Variants in CRISPLD1 observed in about 807,000 individuals in gnomAD.
The protein encoded by CRISPLD1 is cysteine-rich secretory protein LCCL domain-containing 1.
A neutral mutation model predicts 77.5 loss-of-function variants in CRISPLD1; 60 were observed. The ratio of observed to expected loss-of-function variants is 0.77; its 90% CI spans 0.63 to 0.96. The LOEUF is 0.96. Among genes scored for constraint, CRISPLD1 ranks in the 40% least tolerant of loss-of-function variants. The pLI is 0.00. For synonymous variants in CRISPLD1, 195 were observed against 200.1 expected (o/e 0.97, Z 0.22); for missense variants, 623 against 615.8 (o/e 1.01, Z -0.12).
rs549701406 is a variant in CRISPLD1, at chr8:74,985,689, G to A, written c.-62-237G>A. Among the ~76,000 whole-genome samples the A allele has an allele frequency of 2.0e-5, 3 of 152,018 alleles. No homozygotes were observed. In the East Asian group the frequency reaches 5.8e-4, roughly 29 times the overall value. On this transcript the variant is annotated intron_variant, in intron 1 of 14. Transcript: ENST00000262207. ...TTTGCCATTTACTTTTGGCCTCAGG[G>A]GTATTATCTTGGATAATACAGTTGT...
intron 2 of CRISPLD1, among the ~76,000 whole-genome samples, chr8:75,001,838 T>C (rs1439240082): frequency 6.6e-6 from 1 of 152,224 alleles, no homozygotes; most frequent in African/African-American, 2.4e-5. Context: ...TTCCATTTTC[T>C]TATCTGCTTA....
intron 13 of CRISPLD1, among the ~76,000 whole-genome samples, chr8:75,027,630 T>G (rs568169441): frequency 3.9e-5 from 6 of 152,312 alleles, no homozygotes; most frequent in African/African-American, 1.2e-4. Context: ...TAAAGATTAC[T>G]GTCAAATAGC....
intron 12 of CRISPLD1, among the ~76,000 whole-genome samples, chr8:75,023,321 A>T (rs1261363025): frequency 6.6e-6 from 1 of 152,260 alleles, no homozygotes. Flanking sequence ...TTTAACAGCC[A>T]TAAGGATGAC....
At chr8:75,017,730 A>AT (rs1199536630) in intron 10 of CRISPLD1, among the ~76,000 whole-genome samples, 2 of 152,172 alleles carry the variant, frequency 1.3e-5, no homozygotes, top group Non-Finnish European at 1.5e-5. Context: ...AAAGCAATAC[A>AT]TTTTTTAGCT....
At chr8:75,012,816 A>G (rs1007730432) in intron 3 of CRISPLD1, 74 bp from the exon 4 acceptor site, 14 of 1,496,462 alleles carry the variant, frequency 9.4e-6, no homozygotes, top group Middle Eastern at 1.8e-4. Context: ...AATTATACCA[A>G]TGTATTTTGC....
At chr8:75,003,271 C>G (rs1812776393) in intron 2 of CRISPLD1, among the ~76,000 whole-genome samples, 1 of 152,182 alleles carries the variant, frequency 6.6e-6, no homozygotes, top group South Asian at 2.1e-4. Context: ...GGTTTAAATT[C>G]AAGTTTGGAT....
chr8:75,027,261 G>T (rs1399918915), intron 13 of CRISPLD1, among the ~76,000 whole-genome samples: 1 of 152,146 alleles, frequency 6.6e-6, no homozygotes, highest in Non-Finnish European at 1.5e-5. Flanking sequence ...TGCCTGAACA[G>T]GGCTTAGAGC....
intron 2 of CRISPLD1, among the ~76,000 whole-genome samples, chr8:75,004,102 C>T (rs1812789746): frequency 6.6e-6 from 1 of 152,082 alleles, no homozygotes; most frequent in Admixed American, 6.6e-5. Flanking sequence ...TTAAGTGAAA[C>T]ACTACCACAC....
intron 4 of CRISPLD1, among the ~76,000 whole-genome samples, chr8:75,013,512 T>C (rs1465353928): frequency 6.6e-6 from 1 of 152,124 alleles, no homozygotes; most frequent in East Asian, 1.9e-4. Flanking sequence ...GCAGATTGAT[T>C]GTTCTGTATG....
At chr8:75,029,771 T>C (rs1813300778) in intron 14 of CRISPLD1, among the ~76,000 whole-genome samples, 1 of 152,182 alleles carries the variant, frequency 6.6e-6, no homozygotes, top group Admixed American at 6.5e-5. Context: ...AACTACTCTT[T>C]TGTTAATTAG....
chr8:75,002,807 G>A (rs1441411018), intron 2 of CRISPLD1, among the ~76,000 whole-genome samples: 2 of 152,146 alleles, frequency 1.3e-5, no homozygotes, highest in Admixed American at 6.5e-5. Flanking sequence ...GAGCTATCTC[G>A]TGAGACATAG....
At position 75,012,868 on chromosome 8, in the gene CRISPLD1, G is replaced by C. The variant is rs139635677; in HGVS notation, c.378-22G>C. The C allele has an allele frequency of 6.0e-5, 96 of 1,593,814 alleles. No individual in the cohort carries two copies. The African/African-American group carries it at 1.1e-3, about 19-fold the overall frequency. ...TTTTCTCCAACTTTGCTTGCCCTCT[G>C]TGACTATTTTCTTTCTAATAGATAT... On this transcript the variant is annotated intron_variant, in intron 3 of 14. Transcript: ENST00000262207.
At chr8:75,014,999 CACTTAATGATCACACGA>C in intron 6 of CRISPLD1, 87 bp downstream of exon 6, 2 of 756,430 alleles carry the variant, frequency 2.6e-6, no homozygotes, top group Non-Finnish European at 4.1e-6. Flanking sequence ...GCCAGAAGTG[CACTTAATGATCACACGA>C]AAAGTATCTA....
At chr8:75,024,351 A>C (rs1046319816) in intron 12 of CRISPLD1, among the ~76,000 whole-genome samples, 1 of 151,922 alleles carries the variant, frequency 6.6e-6, no homozygotes, top group Non-Finnish European at 1.5e-5. Flanking sequence ...TTTGAGATGG[A>C]GTCTTGCTGT....
chr8:75,014,011 A>T lies in CRISPLD1; in HGVS notation c.535A>T (p.Ile179Phe). ...GGTCGTGTGGGCAACTAGTAACAGA[A>T]TCGGTTGTGCCATTAATTTGTGTCA... ...TQVVWATSNR[I>F]GCAINLCHNM... The change falls in exon 5 of 15, where the codon ATC (isoleucine) becomes TTC (phenylalanine). Residue 179 changes from isoleucine to phenylalanine, a missense_variant. By Grantham distance (21) the Ile-to-Phe change is conservative. Transcript: ENST00000262207. 1 of 1,613,070 alleles carries T rather than the reference A, an allele frequency of 6.2e-7. No individual in the cohort carries two copies. Among genetic ancestry groups the T allele is most frequent in the Non-Finnish European group, 8.5e-7 (1 of 1,179,330 alleles).
chr8:75,031,140 G>A (rs1159305140), intron 14 of CRISPLD1, among the ~76,000 whole-genome samples: 1 of 151,942 alleles, frequency 6.6e-6, no homozygotes, highest in Non-Finnish European at 1.5e-5. Context: ...CTTTGGATTG[G>A]CCATCTACTT....
At chr8:75,004,121 C>T (rs1350494091) in intron 2 of CRISPLD1, among the ~76,000 whole-genome samples, 1 of 152,170 alleles carries the variant, frequency 6.6e-6, no homozygotes, top group African/African-American at 2.4e-5. Context: ...ACATGCCTCA[C>T]ATCTCTGAAT....
At chr8:74,994,904 G>T (rs1344807597) in intron 2 of CRISPLD1, among the ~76,000 whole-genome samples, 1 of 152,160 alleles carries the variant, frequency 6.6e-6, no homozygotes, top group Non-Finnish European at 1.5e-5. Flanking sequence ...AATATGGATA[G>T]ACCAGCTTTA....
rs553019117 is a variant in CRISPLD1 at position 74,986,070 on chromosome 8, A to G, written c.83A>G (p.Asn28Ser). The G allele has an allele frequency of 8.7e-6, 14 of 1,614,166 alleles. No homozygotes were observed. Among genetic ancestry groups the G allele is most frequent in the Middle Eastern group, 1.6e-4 (1 of 6,062 alleles). Residue 28 changes from asparagine to serine, a missense_variant, in exon 2 of 15, where the codon AAT becomes AGT. Physicochemically the swap from Asn to Ser is conservative, Grantham distance 46. Transcript: ENST00000262207. ...GCAATTCCAGCCATGGTGGTTCCCA[A>G]TGCCACTTTATTGGAGAAACTTTTG... Reference protein sequence around the residue: ...ARAIPAMVVPNATLLEKLLEK... With the variant: ...ARAIPAMVVPSATLLEKLLEK...
Sources: gnomAD v4.1 joint callset for allele counts (sites outside exome capture counted in the v4.1 genomes callset) on GRCh38, gnomAD v4.1.1 for gene constraint, MANE v1.5 for transcripts, NCBI Gene and HGNC (gene_info 2026-07-23, HGNC 2026-07-21) for gene names.